The following PHKG2 variants were observed in gnomAD, a reference collection of about 807,000 sequenced individuals.
PHKG2 encodes phosphorylase b kinase gamma catalytic chain, liver/testis isoform.
Under a neutral mutation model 44.5 loss-of-function variants are expected in PHKG2, and 28 were observed. The observed-to-expected ratio is 0.63, with a 90% confidence interval of 0.47 to 0.86. The LOEUF is 0.86. Ranked by LOEUF, PHKG2 falls within the 40% of genes least tolerant of loss-of-function variation. PHKG2 has a pLI of 0.00. For synonymous variants in PHKG2, 220 were observed against 211.2 expected (o/e 1.04, Z -0.36); for missense variants, 498 against 547.5 (o/e 0.91, Z 0.90).
At position 30,757,704 on chromosome 16, in the gene PHKG2, A is replaced by G. The variant is rs2053474319; in HGVS notation, c.*607A>G. On this transcript the variant is annotated 3_prime_UTR_variant, in exon 10 of 10. Transcript: ENST00000563588. ...AGGGTGAGGAGAGATGCTGTCTGGC[A>G]ATGGGGGGATGGTCCCTAGTTGGGC... is the stretch of plus-strand genomic sequence containing the variant. 3.9e-6 allele frequency: 6 copies of G among 1,557,856 alleles called. No homozygotes were observed. Among genetic ancestry groups the G allele is most frequent in the Non-Finnish European group, 5.2e-6 (6 of 1,150,300 alleles).
intron 2 of PHKG2, among the ~76,000 whole-genome samples, chr16:30,749,647 T>C (rs1249413013): frequency 6.6e-6 from 1 of 152,184 alleles, no homozygotes; most frequent in African/African-American, 2.4e-5. Context: ...CCTGGTTGAC[T>C]GAATAGTTCT....
In PHKG2 at chr16:30,759,938, C is replaced by CT; in HGVS notation, c.*2843dup. The CT allele has an allele frequency of 1.4e-6, 2 of 1,441,842 alleles. No homozygotes were observed. The highest frequency in any genetic ancestry group is 1.8e-6 in the Non-Finnish European group (2 of 1,102,938). 89.3% of individuals were successfully genotyped at this position (1,441,842 alleles called of 1,614,324 possible). Reference sequence around the variant, plus strand: ...TGAACAAGACAGACAAGGTCCTGCCCTTACGAAGCTTATATTCTAGGGGAA... The same window carrying CT: ...TGAACAAGACAGACAAGGTCCTGCCCTTTACGAAGCTTATATTCTAGGGGAA... On this transcript the variant is annotated 3_prime_UTR_variant, in exon 10 of 10. Transcript: ENST00000563588.
In PHKG2 at chr16:30,759,233, C is replaced by T; in HGVS notation, c.*2136C>T. On this transcript the variant is annotated 3_prime_UTR_variant, in exon 10 of 10. Coordinates refer to ENST00000563588, the MANE Select transcript of PHKG2 (RefSeq NM_000294.3). ...GCTGTAGCCCCATGTAAGTCAAAGA[C>T]AGATCCAGCCGCACCTGGGAAGCAA... 6.2e-7 allele frequency: 1 copy of T among 1,614,176 alleles called. No individual in the cohort carries two copies. Among genetic ancestry groups the T allele is most frequent in the Non-Finnish European group, 8.5e-7 (1 of 1,180,028 alleles).
rs760943927 is a variant in PHKG2 at position 30,759,384 on chromosome 16, G to A, written c.*2287G>A. 3.8e-5 allele frequency: 61 copies of A among 1,614,112 alleles called. No homozygotes were observed. The highest frequency in any genetic ancestry group is 4.4e-5 in the Non-Finnish European group (52 of 1,180,056). On this transcript the variant is annotated 3_prime_UTR_variant, in exon 10 of 10. Coordinates refer to ENST00000563588, the MANE Select transcript of PHKG2 (RefSeq NM_000294.3). ...ATTTATAGAGCTTGAAGTGGCGGAAGTAAGTGTTGACCACGTAGTCTTCCA... is the reference window on the plus strand; with the variant it reads ...ATTTATAGAGCTTGAAGTGGCGGAAATAAGTGTTGACCACGTAGTCTTCCA...
intron 8 of PHKG2, 30 bp from the exon 9 acceptor site, chr16:30,756,560 G>T: frequency 6.2e-7 from 1 of 1,613,180 alleles, no homozygotes. Context: ...AGGCCCAAGA[G>T]CTGCCCCTCA....
Position 30,751,515 on chromosome 16 carries a change from C to A in PHKG2, c.272-34C>A, listed in dbSNP as rs1567260974. 4 of 1,589,370 alleles carry A rather than the reference C, an allele frequency of 2.5e-6. No individual in the cohort carries two copies. The East Asian group carries it at 8.9e-5, about 35-fold the overall frequency. On this transcript the variant is annotated intron_variant, in intron 3 of 9. Transcript: ENST00000563588. ...TTAATGTGCATCCACTCCTTTCCATCTCTGTCTCTCTGCCTCTCTTCCTCT... is the reference window on the plus strand; with the variant it reads ...TTAATGTGCATCCACTCCTTTCCATATCTGTCTCTCTGCCTCTCTTCCTCT...
In PHKG2 at chr16:30,760,348, G is replaced by C. The variant is rs947339809; in HGVS notation, c.*3251G>C. ...CCGCTGACGTCTGCTCCAGTGAGAAGCCCTGCTGGCGGCAGAAAATGAGCG... is the reference window on the plus strand; with the variant it reads ...CCGCTGACGTCTGCTCCAGTGAGAACCCCTGCTGGCGGCAGAAAATGAGCG... On this transcript the variant is annotated 3_prime_UTR_variant, in exon 10 of 10. Coordinates refer to ENST00000563588, the MANE Select transcript of PHKG2 (RefSeq NM_000294.3). 3.1e-6 allele frequency: 5 copies of C among 1,614,130 alleles called. No individual in the cohort carries two copies. Among genetic ancestry groups the C allele is most frequent in the Non-Finnish European group, 4.2e-6 (5 of 1,180,058 alleles).
At chr16:30,752,399 A>C (rs1451001062) in intron 4 of PHKG2, 1 of 150,416 alleles carries the variant, frequency 6.6e-6, no homozygotes, top group African/African-American at 2.5e-5. Flanking sequence ...CTCCAAAAAA[A>C]AAGAGAGTGT....
chr16:30,753,289 G>C lies in PHKG2; in HGVS notation c.384G>C (p.Lys128Asn), dbSNP rs201659307. The C allele has an allele frequency of 6.2e-6, 10 of 1,614,118 alleles. No individual in the cohort carries two copies. The African/African-American group carries it at 1.3e-4, about 22-fold the overall frequency. ...YLTEKVALSEKETRSIMRSLL... is the reference protein window; with the variant it reads ...YLTEKVALSENETRSIMRSLL... ...CAGAGAAGGTGGCCCTCTCTGAAAA[G>C]GAAACCAGGTAAGGGTTGAGCCTGA... is the stretch of plus-strand genomic sequence containing the variant. The change falls in exon 5 of 10, where the codon AAG becomes AAC. Residue 128 changes from lysine (K) to asparagine (N), a missense_variant. Physicochemically the swap from Lys to Asn is moderately conservative, Grantham distance 94. Transcript: ENST00000563588.
rs774187799 is a variant in PHKG2 at position 30,756,706 on chromosome 16, G to C, written c.918G>C (p.Gln306His). 1 of 1,614,100 alleles carries C rather than the reference G, an allele frequency of 6.2e-7. No homozygotes were observed. Among genetic ancestry groups the C allele is most frequent in the South Asian group, 1.1e-5 (1 of 91,082 alleles). ...GSQPWNLTPR[Q>H]RFRVAVWTVL... ...AACCCTGGAACCTCACCCCCCGCCA[G>C]CGGTTCCGGGTAAGCCTGAGTGTAT... Residue 306 changes from glutamine (Q) to histidine (H), a missense_variant, in exon 9 of 10, where the codon CAG becomes CAC. By Grantham distance (24) the Gln-to-His change is conservative. Transcript: ENST00000563588.
chr16:30,761,045 G>T lies in PHKG2; in HGVS notation c.*3948G>T, dbSNP rs554975918. ...ACTGCCTCCTCTTTGGACTGGAGAG[G>T]CTGGAAAGCCAACTTCCAGTCACCT... On this transcript the variant is annotated 3_prime_UTR_variant, in exon 10 of 10. Transcript: ENST00000563588. The T allele has an allele frequency of 3.3e-5, 27 of 810,826 alleles. No homozygotes were observed. In the Admixed American group the frequency reaches 7.1e-4, roughly 21 times the overall value. The allele number at this position is 810,826 out of a possible 1,614,324, so 50.2% of individuals were successfully genotyped here. A position where few individuals can be genotyped will look rare whatever the true frequency, so the allele number is the denominator to read the frequency against.
At chr16:30,752,793 C>G (rs1222958928) in intron 4 of PHKG2, 1 of 304,722 alleles carries the variant, frequency 3.3e-6, no homozygotes, top group South Asian at 3.0e-5. Context: ...GCAAGTATAA[C>G]CTCAATTTTG....
At chr16:30,751,636 T>G in intron 4 of PHKG2, 33 bp downstream of exon 4, 1 of 1,564,028 alleles carries the variant, frequency 6.4e-7, no homozygotes, top group Non-Finnish European at 8.8e-7. Context: ...CTGAGAAGCC[T>G]CCTCCCCACC....
rs755440328 is a variant in PHKG2 at position 30,757,457 on chromosome 16, T to A, written c.*360T>A. The A allele has an allele frequency of 1.1e-5, 17 of 1,608,070 alleles. No individual in the cohort carries two copies. The highest frequency in any genetic ancestry group is 1.1e-5 in the Non-Finnish European group (13 of 1,176,146). On this transcript the variant is annotated 3_prime_UTR_variant, in exon 10 of 10. Coordinates refer to ENST00000563588, the MANE Select transcript of PHKG2 (RefSeq NM_000294.3). Reference sequence around the variant, plus strand: ...GGTGCCATTCTGGCCCAGACCTTTATTGGGGAAAATGTTGGGGGTCACTTG... The same window carrying A: ...GGTGCCATTCTGGCCCAGACCTTTAATGGGGAAAATGTTGGGGGTCACTTG...
intron 2 of PHKG2, among the ~76,000 whole-genome samples, chr16:30,749,967 G>C (rs879110052): frequency 6.6e-6 from 1 of 152,024 alleles, no homozygotes; most frequent in African/African-American, 2.4e-5. Flanking sequence ...AGGAGTTCAG[G>C]GGGGGGTCTT....
At chr16:30,756,072 TGG>T (rs2053420712) in intron 6 of PHKG2, 108 bp from the exon 7 acceptor site, 1 of 864,676 alleles carries the variant, frequency 1.2e-6, no homozygotes, top group South Asian at 1.3e-5. Context: ...AGAAGGAAGA[TGG>T]GAACACTGGT....
intron 8 of PHKG2, 27 bp downstream of exon 8, chr16:30,756,547 G>C: frequency 6.2e-7 from 1 of 1,612,856 alleles, no homozygotes; most frequent in South Asian, 1.1e-5. Flanking sequence ...AGGACAGTAG[G>C]GGAGGCCCAA....
At position 30,758,501 on chromosome 16, in the gene PHKG2, T is replaced by G. The variant is rs2053527056; in HGVS notation, c.*1404T>G. 1 of 188,462 alleles carries G rather than the reference T, an allele frequency of 5.3e-6. No individual in the cohort carries two copies. The highest frequency in any genetic ancestry group is 2.4e-5 in the African/African-American group (1 of 41,960). The allele number at this position is 188,462 out of a possible 1,614,324, so 11.7% of individuals were successfully genotyped here. A position where few individuals can be genotyped will look rare whatever the true frequency, so the allele number is the denominator to read the frequency against. On this transcript the variant is annotated 3_prime_UTR_variant, in exon 10 of 10. Coordinates refer to ENST00000563588, the MANE Select transcript of PHKG2 (RefSeq NM_000294.3). ...CCATCATATAGGTTTTAAGCCACCG[T>G]CATTGGCTTTCTAATGATCATTTCT...
At chr16:30,749,953 G>A (rs1178207107) in intron 2 of PHKG2, among the ~76,000 whole-genome samples, 3 of 150,318 alleles carry the variant, frequency 2.0e-5, no homozygotes, top group African/African-American at 7.3e-5. Flanking sequence ...CTTGAGGTAT[G>A]AGTAGGAGTT....
Sources: allele counts gnomAD v4.1 joint callset (sites outside exome capture counted in the v4.1 genomes callset), GRCh38; gene constraint gnomAD v4.1.1; transcripts MANE v1.5; gene names NCBI Gene and HGNC (gene_info 2026-07-23, HGNC 2026-07-21).